NLGN1: variants seen among roughly 807,000 people sequenced by gnomAD.
NLGN1 encodes the protein neuroligin-1.
NLGN1 carries 12 observed loss-of-function variants against 65.5 expected under a neutral mutation model. That is an observed-to-expected ratio of 0.18 (90% confidence interval 0.12 to 0.30). NLGN1 has a LOEUF of 0.30. Ranked by LOEUF, NLGN1 falls within the 10% of genes least tolerant of loss-of-function variation. NLGN1 has a pLI of 1.00. For synonymous variants in NLGN1, 350 were observed against 359.5 expected (o/e 0.97, Z 0.30); for missense variants, 750 against 1,007.1 (o/e 0.74, Z 3.46).
chr3:173,693,139 G>C (rs909836151), intron 3 of NLGN1, among the ~76,000 whole-genome samples: 2 of 152,124 alleles, frequency 1.3e-5, no homozygotes, highest in African/African-American at 4.8e-5. Flanking sequence ...AAAAATAACA[G>C]AGCAAGTGAT....
chr3:174,176,738 A>G (rs1026475454), intron 4 of NLGN1, among the ~76,000 whole-genome samples: 2 of 152,096 alleles, frequency 1.3e-5, no homozygotes, highest in East Asian at 3.8e-4. Context: ...TCAAAAATCA[A>G]GAGTGTATCT....
intron 4 of NLGN1, among the ~76,000 whole-genome samples, chr3:174,218,013 T>C (rs1737946399): frequency 6.6e-6 from 1 of 152,064 alleles, no homozygotes; most frequent in Non-Finnish European, 1.5e-5. Flanking sequence ...CAATGAATAA[T>C]TTCCTTGGAA....
chr3:173,965,543 T>A (rs2152357698), intron 4 of NLGN1, among the ~76,000 whole-genome samples: 1 of 150,360 alleles, frequency 6.7e-6, no homozygotes, highest in African/African-American at 2.4e-5. Flanking sequence ...GGTCTCGAAC[T>A]ACTGACCTCC....
At chr3:173,767,581 C>A (rs976683) in intron 3 of NLGN1, among the ~76,000 whole-genome samples, 1 of 151,682 alleles carries the variant, frequency 6.6e-6, no homozygotes, top group Non-Finnish European at 1.5e-5. Context: ...CTTTTTAAGA[C>A]CTTTTCACGA....
chr3:174,106,412 C>A (rs988650678), intron 4 of NLGN1, among the ~76,000 whole-genome samples: 22 of 152,032 alleles, frequency 1.4e-4, no homozygotes, highest in African/African-American at 5.1e-4. Flanking sequence ...GATGTTCCAA[C>A]CACCCATGGT....
chr3:174,112,359 A>G (rs1057495986), intron 4 of NLGN1, among the ~76,000 whole-genome samples: 3 of 151,948 alleles, frequency 2.0e-5, no homozygotes, highest in African/African-American at 7.2e-5. Flanking sequence ...AACTTTCTCA[A>G]TGCATCAGAC....
rs906202316 is a variant in NLGN1 at position 173,850,266 on chromosome 3, C to T, written c.646+42434C>T. Among the ~76,000 whole-genome samples the T allele has an allele frequency of 5.3e-5, 8 of 151,990 alleles. 1 individual carries two copies. In the South Asian group the frequency reaches 6.2e-4, roughly 12 times the overall value. On this transcript the variant is annotated intron_variant, in intron 4 of 6. Coordinates refer to ENST00000457714, the Ensembl canonical transcript of NLGN1. Reference sequence around the variant, plus strand: ...GTATGTGTGTGATTATGGGTATATACGGATGTTGGATTTAACAAAACAGGA... The same window carrying T: ...GTATGTGTGTGATTATGGGTATATATGGATGTTGGATTTAACAAAACAGGA...
chr3:173,614,696 C>T (rs987170796), intron 3 of NLGN1, among the ~76,000 whole-genome samples: 1 of 152,028 alleles, frequency 6.6e-6, no homozygotes, highest in South Asian at 2.1e-4. Context: ...CCCCAACTTC[C>T]CACCAAAGCA....
chr3:174,161,881 T>A (rs1027641915), intron 4 of NLGN1, among the ~76,000 whole-genome samples: 2 of 151,842 alleles, frequency 1.3e-5, no homozygotes, highest in African/African-American at 4.8e-5. Flanking sequence ...AAAGAAATCA[T>A]AAATGTCAGT....
chr3:173,448,504 G>C (rs1720820636), intron 2 of NLGN1, among the ~76,000 whole-genome samples: 1 of 152,198 alleles, frequency 6.6e-6, no homozygotes, highest in South Asian at 2.1e-4. Context: ...GTTCATCAAG[G>C]ATATTGGTCT....
At chr3:173,912,149 T>C (rs1423287621) in intron 4 of NLGN1, among the ~76,000 whole-genome samples, 1 of 151,718 alleles carries the variant, frequency 6.6e-6, no homozygotes, top group Non-Finnish European at 1.5e-5. Context: ...GAAGAGAGCA[T>C]GAGATCTTTA....
intron 4 of NLGN1, among the ~76,000 whole-genome samples, chr3:174,042,717 T>A (rs887863338): frequency 4.6e-5 from 7 of 152,324 alleles, no homozygotes; most frequent in Admixed American, 2.0e-4. Flanking sequence ...TAAACTTTTT[T>A]AAAAATAAAC....
intron 4 of NLGN1, among the ~76,000 whole-genome samples, chr3:174,076,679 TAG>T (rs3979619): frequency 0.071 from 6,597 of 92,352 alleles, 149 homozygotes; most frequent in Admixed American, 0.14. Flanking sequence ...TCTGGGACCA[TAG>T]AGAGAGAGAG....
chr3:173,664,591 G>A (rs1761439155), intron 3 of NLGN1, among the ~76,000 whole-genome samples: 1 of 152,100 alleles, frequency 6.6e-6, no homozygotes, highest in Non-Finnish European at 1.5e-5. Flanking sequence ...CGAAGGGAAA[G>A]GAAGTTTCCA....
At chr3:174,115,799 T>C (rs1716267656) in intron 4 of NLGN1, among the ~76,000 whole-genome samples, 1 of 152,176 alleles carries the variant, frequency 6.6e-6, no homozygotes, top group Admixed American at 6.5e-5. Context: ...CTGGGTAGCC[T>C]CAAAAAATGT....
chr3:173,907,582 C>CTTTT (rs561283815), intron 4 of NLGN1, among the ~76,000 whole-genome samples: 17 of 120,674 alleles, frequency 1.4e-4, no homozygotes, highest in South Asian at 3.0e-4. Flanking sequence ...CTCTCTCTCT[C>CTTTT]TTTTTTTTTT....
At chr3:173,728,169 TGA>T (rs1772133097) in intron 3 of NLGN1, among the ~76,000 whole-genome samples, 1 of 151,988 alleles carries the variant, frequency 6.6e-6, no homozygotes, top group Non-Finnish European at 1.5e-5. Flanking sequence ...GAATTCGAAG[TGA>T]GAGAGAAGAA....
At chr3:174,257,909 T>G (rs1746112444) in intron 4 of NLGN1, among the ~76,000 whole-genome samples, 1 of 150,668 alleles carries the variant, frequency 6.6e-6, no homozygotes, top group Non-Finnish European at 1.5e-5. Context: ...TCCTTATATA[T>G]ATATATATAT....
intron 3 of NLGN1, among the ~76,000 whole-genome samples, chr3:173,612,586 C>T (rs1752469758): frequency 6.6e-6 from 1 of 152,026 alleles, no homozygotes; most frequent in African/African-American, 2.4e-5. Flanking sequence ...TCCCTACATC[C>T]CCATGTCTTC....
Sources: allele counts gnomAD v4.1 joint callset (sites outside exome capture counted in the v4.1 genomes callset), GRCh38; gene constraint gnomAD v4.1.1; transcripts MANE v1.5; gene names NCBI Gene and HGNC (gene_info 2026-07-23, HGNC 2026-07-21).